The following GALNT17 variants were observed in gnomAD, a reference collection of about 807,000 sequenced individuals.
GALNT17 encodes polypeptide N-acetylgalactosaminyltransferase 17, also known as UDP-GalNAc:polypeptide N-acetylgalactosaminyltransferase-like 3.
In GALNT17, 29 loss-of-function variants were observed where a neutral mutation model predicts 63.7. The ratio of observed to expected loss-of-function variants is 0.46; its 90% CI spans 0.34 to 0.62. GALNT17 has a LOEUF of 0.62. Among genes scored for constraint, GALNT17 ranks in the 20% least tolerant of loss-of-function variants. GALNT17 has a pLI of 0.01. For synonymous variants in GALNT17, 305 were observed against 318.3 expected, an observed-to-expected ratio of 0.96 and a Z score of 0.45; for missense variants, 603 against 799.6, an observed-to-expected ratio of 0.75 and a Z score of 2.97.
chr7:71,544,052 C>A (rs896576974), intron 5 of GALNT17, among the ~76,000 whole-genome samples: 12 of 151,908 alleles, frequency 7.9e-5, no homozygotes, highest in East Asian at 1.9e-4. Flanking sequence ...CTCAGCCCCC[C>A]AAAGGGCCAG....
At chr7:71,691,644 T>C (rs1046209631) in intron 9 of GALNT17, among the ~76,000 whole-genome samples, 3 of 152,192 alleles carry the variant, frequency 2.0e-5, no homozygotes, top group East Asian at 3.9e-4. Flanking sequence ...TTGAGACTTT[T>C]GTGTCTTCCG....
intron 5 of GALNT17, among the ~76,000 whole-genome samples, chr7:71,486,521 G>A (rs1385458474): frequency 6.6e-6 from 1 of 151,690 alleles, no homozygotes; most frequent in South Asian, 2.1e-4. Context: ...AGCTCTTGGT[G>A]CTCCACAGTG....
At chr7:71,246,808 G>A (rs1005040697) in intron 1 of GALNT17, among the ~76,000 whole-genome samples, 19 of 149,418 alleles carry the variant, frequency 1.3e-4, no homozygotes, top group East Asian at 7.9e-4. Flanking sequence ...CAGCCTGGGC[G>A]ACAGAGCGAG....
chr7:71,450,016 T>A (rs1042093659), intron 5 of GALNT17, among the ~76,000 whole-genome samples: 2 of 141,808 alleles, frequency 1.4e-5, no homozygotes, highest in Non-Finnish European at 3.0e-5. Flanking sequence ...CACTCCAGCC[T>A]GGGCAACAAA....
chr7:71,363,568 C>T (rs73193235), intron 2 of GALNT17, among the ~76,000 whole-genome samples: 24,216 of 152,256 alleles, frequency 0.16, 2,138 homozygotes, highest in East Asian at 0.29. Flanking sequence ...GAATTCTGCT[C>T]CATTCTCTGA....
chr7:71,587,584 T>C (rs963823826), intron 6 of GALNT17, among the ~76,000 whole-genome samples: 5 of 152,168 alleles, frequency 3.3e-5, no homozygotes, highest in African/African-American at 7.2e-5. Context: ...CATTTTCTTA[T>C]GTATTTTCTT....
intron 5 of GALNT17, among the ~76,000 whole-genome samples, chr7:71,568,263 G>C (rs1789382636): frequency 6.6e-6 from 1 of 152,194 alleles, no homozygotes; most frequent in Non-Finnish European, 1.5e-5. Context: ...ACTCAGGGCA[G>C]GTCACCTAAT....
rs1788383297 is a variant in GALNT17 at position 71,512,822 on chromosome 7, G to A, written c.963-58463G>A. ...AAGGGGAAGGCAGTGGTGGAGTGGG[G>A]AGAATGAGGAGAATCAGGCCTGAGG... On this transcript the variant is annotated intron_variant, in intron 5 of 10. Transcript: ENST00000333538. Among the ~76,000 whole-genome samples, 4 of 152,204 alleles carry A rather than the reference G, an allele frequency of 2.6e-5. No individual in the cohort carries two copies. The South Asian group carries it at 8.3e-4, about 31-fold the overall frequency.
At chr7:71,597,024 CA>C (rs939197994) in intron 6 of GALNT17, among the ~76,000 whole-genome samples, 1 of 151,446 alleles carries the variant, frequency 6.6e-6, no homozygotes, top group Non-Finnish European at 1.5e-5. Flanking sequence ...CCCATCTCTA[CA>C]AAAAAAGGGT....
intron 5 of GALNT17, among the ~76,000 whole-genome samples, chr7:71,528,404 A>G (rs1224592009): frequency 2.0e-5 from 3 of 152,312 alleles, no homozygotes; most frequent in Middle Eastern, 3.4e-3. Context: ...TGGCATAACC[A>G]GTGACCCCAA....
intron 6 of GALNT17, among the ~76,000 whole-genome samples, chr7:71,578,004 CATTTATTTATTTATTT>C (rs60916222): frequency 2.8e-4 from 40 of 143,312 alleles, no homozygotes; most frequent in East Asian, 4.1e-4. Flanking sequence ...GGGTTGTTTA[CATTTATTTATTTATTT>C]ATTTATTTAT....
chr7:71,151,495 C>G (rs978506284), intron 1 of GALNT17, among the ~76,000 whole-genome samples: 1 of 151,968 alleles, frequency 6.6e-6, no homozygotes, highest in African/African-American at 2.4e-5. Flanking sequence ...GTGGCAGGTG[C>G]CTGTAGTCCC....
chr7:71,612,790 C>T (rs1418848827), intron 6 of GALNT17, among the ~76,000 whole-genome samples: 1 of 152,218 alleles, frequency 6.6e-6, no homozygotes, highest in Non-Finnish European at 1.5e-5. Flanking sequence ...CATCCAAGCT[C>T]CTAGTTTATT....
chr7:71,408,390 G>A (rs749280179), intron 3 of GALNT17, among the ~76,000 whole-genome samples: 9 of 152,198 alleles, frequency 5.9e-5, no homozygotes, highest in African/African-American at 1.4e-4. Context: ...GGTGATAAGC[G>A]TGGCAGTGGT....
chr7:71,223,148 A>C (rs1366756822), intron 1 of GALNT17, among the ~76,000 whole-genome samples: 2 of 152,086 alleles, frequency 1.3e-5, no homozygotes, highest in African/African-American at 4.8e-5. Flanking sequence ...GTTTCTTCTT[A>C]TGTAATTAAT....
intron 6 of GALNT17, among the ~76,000 whole-genome samples, chr7:71,605,351 G>T (rs1790029567): frequency 6.6e-6 from 1 of 152,114 alleles, no homozygotes; most frequent in Non-Finnish European, 1.5e-5. Flanking sequence ...ACTTTGGGAG[G>T]CCGAGGCAGG....
At chr7:71,287,962 G>A (rs373799265) in intron 1 of GALNT17, among the ~76,000 whole-genome samples, 4 of 150,702 alleles carry the variant, frequency 2.7e-5, no homozygotes, top group Non-Finnish European at 4.4e-5. Flanking sequence ...TGAGGCAGGA[G>A]AATCGCTTGA....
At chr7:71,590,536 G>C (rs1340650676) in intron 6 of GALNT17, among the ~76,000 whole-genome samples, 1 of 152,134 alleles carries the variant, frequency 6.6e-6, no homozygotes, top group Non-Finnish European at 1.5e-5. Context: ...TAGTGATGTG[G>C]GTGATTTATG....
chr7:71,548,370 T>C (rs1789021474), intron 5 of GALNT17, among the ~76,000 whole-genome samples: 1 of 152,246 alleles, frequency 6.6e-6, no homozygotes, highest in Non-Finnish European at 1.5e-5. Flanking sequence ...TTTTATGCTT[T>C]CTTGCCCATG....
Sources: gnomAD v4.1 joint callset for allele counts (sites outside exome capture counted in the v4.1 genomes callset) on GRCh38, gnomAD v4.1.1 for gene constraint, MANE v1.5 for transcripts, NCBI Gene and HGNC (gene_info 2026-07-23, HGNC 2026-07-21) for gene names.